The following TRAFD1 variants were observed in gnomAD, a reference collection of about 807,000 sequenced individuals.
TRAFD1 encodes TRAF-type zinc finger domain containing 1.
A neutral mutation model predicts 65.3 loss-of-function variants in TRAFD1; 38 were observed. The ratio of observed to expected loss-of-function variants is 0.58; its 90% confidence interval spans 0.45 to 0.76. The LOEUF (loss-of-function observed/expected upper bound fraction) is 0.76, where lower values mean the gene tolerates loss of function less well. Ranked by LOEUF, TRAFD1 falls within the 30% of genes least tolerant of loss-of-function variation. The pLI, the probability that TRAFD1 is intolerant of heterozygous loss-of-function variation, is 0.00. For synonymous variants in TRAFD1, 223 were observed against 257.2 expected, an observed-to-expected ratio of 0.87 and a Z score of 1.27; for missense variants, 631 against 712.6, an observed-to-expected ratio of 0.89 and a Z score of 1.30.
At chr12:112,140,316 A>C (rs2030049621) in intron 4 of TRAFD1, 1 of 165,938 alleles carries the variant, frequency 6.0e-6, no homozygotes, top group African/African-American at 2.5e-5. Flanking sequence ...GCTACTCAGG[A>C]GGCTGAGGCA....
At chr12:112,147,631 C>T (rs2030285995) in intron 7 of TRAFD1, among the ~76,000 whole-genome samples, 1 of 151,586 alleles carries the variant, frequency 6.6e-6, no homozygotes, top group Non-Finnish European at 1.5e-5. Flanking sequence ...ATGTGTATTC[C>T]TCTTTTTTGT....
In TRAFD1 at chr12:112,153,498, T is replaced by G. The variant is rs974952356; in HGVS notation, c.*707T>G. 2 of 152,216 alleles carry G rather than the reference T, an allele frequency of 1.3e-5. No individual in the cohort carries two copies. The highest frequency in any genetic ancestry group is 4.8e-5 in the African/African-American group (2 of 41,448). The allele number at this position is 152,216 out of a possible 1,614,324, so 9.4% of individuals were successfully genotyped here. A position where few individuals can be genotyped will look rare whatever the true frequency, so the allele number is the denominator to read the frequency against. ...GTTGGGCTCTGCCCCAGCCCCACAC[T>G]TGCTCTGAAAACCAAGTGTCAGAGC... is the stretch of plus-strand genomic sequence containing the variant. On this transcript the variant is annotated 3_prime_UTR_variant, in exon 12 of 12. Transcript: ENST00000412615.
At chr12:112,146,382 C>T (rs1350622644) in intron 7 of TRAFD1, among the ~76,000 whole-genome samples, 1 of 151,466 alleles carries the variant, frequency 6.6e-6, no homozygotes, top group South Asian at 2.1e-4. Flanking sequence ...AAGGGGGGGG[C>T]AGGGAATGAT....
In TRAFD1 at chr12:112,149,759, T is replaced by C; in HGVS notation, c.1167T>C (p.Cys389=). The change falls in exon 9 of 12, where the codon TGT becomes TGC. Residue 389 remains cysteine (C), a synonymous_variant. Coordinates refer to ENST00000412615, the MANE Select transcript of TRAFD1 (RefSeq NM_006700.3). ...EEVLFHHQDQ[C]DQRPATATNH... ...TGGTTTTTCTTGTTTAGGACCAGTG[T>C]GACCAACGCCCAGCCACTGCAACCA... The C allele has an allele frequency of 6.2e-7, 1 of 1,614,134 alleles. No individual in the cohort carries two copies. The highest frequency in any genetic ancestry group is 8.5e-7 in the Non-Finnish European group (1 of 1,179,972).
rs2079560209 is a variant in TRAFD1, at chr12:112,130,102, A to G, written c.-12-409A>G. Among the ~76,000 whole-genome samples the G allele has an allele frequency of 6.6e-6, 1 of 151,306 alleles. No individual in the cohort carries two copies. Among genetic ancestry groups the G allele is most frequent in the East Asian group, 1.9e-4 (1 of 5,190 alleles). On this transcript the variant is annotated intron_variant, in intron 1 of 11. Coordinates refer to ENST00000412615, the MANE Select transcript of TRAFD1 (RefSeq NM_006700.3). This position sits in a 1 kb window ranked among gnomAD's most constrained non-coding sequence, Gnocchi z 4.4. ...CTCGGCCTCTCGAGTAGCTGGGACT[A>G]CAGGCACACATCACCATGCCTGGGT...
intron 2 of TRAFD1, among the ~76,000 whole-genome samples, chr12:112,133,723 T>C (rs2079577561): frequency 6.6e-6 from 1 of 151,714 alleles, no homozygotes. Context: ...TTTTTTTTTT[T>C]TGATACGGAA....
Position 112,148,267 on chromosome 12 carries a change from G to C in TRAFD1, c.1121G>C (p.Gly374Ala), listed in dbSNP as rs760822889. 1 of 1,614,156 alleles carries C rather than the reference G, an allele frequency of 6.2e-7. No individual in the cohort carries two copies. Among genetic ancestry groups the C allele is most frequent in the South Asian group, 1.1e-5 (1 of 91,064 alleles). ...ATCATTATCCCATGTGAATTCTGTG[G>C]GGTACAGCTGGAAGAGGAGGTGCTG... ...ESIIIPCEFC[G>A]VQLEEEVLFH... Residue 374 changes from glycine to alanine, a missense_variant, in exon 8 of 12, where the codon GGG (glycine) becomes GCG (alanine). Physicochemically the swap from Gly to Ala is moderately conservative, Grantham distance 60. Transcript: ENST00000412615.
chr12:112,149,993 AG>A, intron 9 of TRAFD1, 122 bp downstream of exon 9: 1 of 1,342,254 alleles, frequency 7.5e-7, no homozygotes, highest in African/African-American at 1.5e-5. Context: ...CAAACACACT[AG>A]GGTCTCATAG....
At chr12:112,145,149 A>T (rs1482690547) in intron 6 of TRAFD1, among the ~76,000 whole-genome samples, 1 of 152,190 alleles carries the variant, frequency 6.6e-6, no homozygotes, top group Non-Finnish European at 1.5e-5. Context: ...ACTTTTAGGC[A>T]GCATTTTTTG....
chr12:112,141,866 T>G, intron 5 of TRAFD1: 1 of 524,898 alleles, frequency 1.9e-6, no homozygotes, highest in Non-Finnish European at 3.4e-6. Context: ...CTCAGTAATA[T>G]TGCTTAATAA....
Position 112,152,595 on chromosome 12 carries a change from T to C in TRAFD1, c.1692+96T>C, listed in dbSNP as rs1277080848. 3.1e-6 allele frequency: 5 copies of C among 1,594,266 alleles called. No homozygotes were observed. Among genetic ancestry groups the C allele is most frequent in the Non-Finnish European group, 4.3e-6 (5 of 1,165,602 alleles). ...GTTGTAGAAGTTGTTGGGACCAGGC[T>C]GGTTGTGGTTCAAAGATTGTTCCTT... On this transcript the variant is annotated intron_variant, in intron 11 of 11. Coordinates refer to ENST00000412615, the MANE Select transcript of TRAFD1 (RefSeq NM_006700.3). This position sits in a 1 kb window ranked among gnomAD's most constrained non-coding sequence, Gnocchi z 5.0.
chr12:112,125,811 G>A (rs1420945797), intron 1 of TRAFD1, 193 bp downstream of exon 1: 2 of 152,276 alleles, frequency 1.3e-5, no homozygotes. Flanking sequence ...GGGAACCGGC[G>A]CCTTGGCAGC....
chr12:112,149,580 TG>T, intron 8 of TRAFD1, 170 bp from the exon 9 acceptor site: 1 of 757,192 alleles, frequency 1.3e-6, no homozygotes, highest in Non-Finnish European at 2.1e-6. Context: ...CATGTGCCGA[TG>T]GGATTGAATG....
At position 112,149,780 on chromosome 12, in the gene TRAFD1, A is replaced by G; in HGVS notation, c.1188A>G (p.Ala396=). The G allele has an allele frequency of 6.2e-7, 1 of 1,614,190 alleles. No individual in the cohort carries two copies. The highest frequency in any genetic ancestry group is 1.1e-5 in the South Asian group (1 of 91,090). Residue 396 remains alanine, a synonymous_variant, in exon 9 of 12, where the codon GCA becomes GCG. Transcript: ENST00000412615. ...AGTGTGACCAACGCCCAGCCACTGC[A>G]ACCAACCATGTGACAGAGGGGATTC... ...QDQCDQRPAT[A]TNHVTEGIPR...
rs1465159605 is a variant in TRAFD1, at chr12:112,148,064, T to C, written c.928-10T>C. ...ATTCTTGTTTTTAACCTATATTTTT[T>C]GAATGACAGACAAGCTGTAACCCTT... On this transcript the variant is annotated splice_polypyrimidine_tract_variant and intron_variant, in intron 7 of 11. Coordinates refer to ENST00000412615, the MANE Select transcript of TRAFD1 (RefSeq NM_006700.3). 6.2e-7 allele frequency: 1 copy of C among 1,603,348 alleles called. No individual in the cohort carries two copies. Among genetic ancestry groups the C allele is most frequent in the Admixed American group, 1.7e-5 (1 of 58,772 alleles).
At position 112,137,851 on chromosome 12, in the gene TRAFD1, T is replaced by C. The variant is rs1314889190; in HGVS notation, c.237+2785T>C. Among the ~76,000 whole-genome samples, 1 of 152,184 alleles carries C rather than the reference T, an allele frequency of 6.6e-6. No homozygotes were observed. Among genetic ancestry groups the C allele is most frequent in the Admixed American group, 6.6e-5 (1 of 15,262 alleles). On this transcript the variant is annotated intron_variant, in intron 4 of 11. Transcript: ENST00000412615. This position sits in a 1 kb window ranked among gnomAD's most constrained non-coding sequence, Gnocchi z 4.2. ...AAGAGTGGATATACATATGTAAAAA[T>C]TCACCAAGGTATATACTTAAAGATT...
At chr12:112,151,567 A>AT (rs911841528) in intron 9 of TRAFD1, among the ~76,000 whole-genome samples, 46 of 146,350 alleles carry the variant, frequency 3.1e-4, no homozygotes, top group Admixed American at 6.8e-4. Context: ...CTAATTTTGT[A>AT]TTTTTTTTTT....
At chr12:112,135,816 TGGC>T (rs954593003) in intron 4 of TRAFD1, among the ~76,000 whole-genome samples, 1 of 150,502 alleles carries the variant, frequency 6.6e-6, no homozygotes, top group African/African-American at 2.4e-5. Flanking sequence ...GAGATAAAAC[TGGC>T]CAAAGGTTTT....
At chr12:112,147,993 T>A (rs1444164117) in intron 7 of TRAFD1, 81 bp from the exon 8 acceptor site, 11 of 1,308,932 alleles carry the variant, frequency 8.4e-6, no homozygotes, top group South Asian at 2.8e-5. Flanking sequence ...TTATATGACT[T>A]CTTCTAGAAA....
Sources: gnomAD v4.1 joint callset for allele counts (sites outside exome capture counted in the v4.1 genomes callset) on GRCh38, gnomAD v4.1.1 for gene constraint, Gnocchi (gnomAD v3.1) non-coding constraint, MANE v1.5 for transcripts, NCBI Gene and HGNC (gene_info 2026-07-23, HGNC 2026-07-21) for gene names.